The following TMEM273 variants were observed in gnomAD, a reference collection of about 807,000 sequenced individuals.
The protein encoded by TMEM273 is chromosome 10 open reading frame 128.
In TMEM273, 19 loss-of-function variants were observed where a neutral mutation model predicts 17.9. That is an observed-to-expected ratio of 1.06 (90% CI 0.74 to 1.55). TMEM273 has a LOEUF of 1.55. Ranked by LOEUF, TMEM273 falls within the 40% of genes most tolerant of loss-of-function variation. The pLI, the probability that TMEM273 is intolerant of heterozygous loss-of-function variation, is 0.00. For synonymous variants in TMEM273, 66 were observed against 62.0 expected (o/e 1.07, Z -0.31); for missense variants, 194 against 155.6 (o/e 1.25, Z -1.31).
intron 1 of TMEM273, among the ~76,000 whole-genome samples, chr10:49,174,401 C>T (rs563084718): frequency 6.6e-6 from 1 of 152,342 alleles, no homozygotes; most frequent in South Asian, 2.1e-4. Flanking sequence ...GGTCATGGGC[C>T]TTGGCTACAC....
At chr10:49,186,017 G>GGAA (rs775193196) in intron 1 of TMEM273, among the ~76,000 whole-genome samples, 2 of 78,692 alleles carry the variant, frequency 2.5e-5, no homozygotes, top group Non-Finnish European at 5.7e-5. Context: ...AGGAGGAGGA[G>GGAA]GAAGAAGAAG....
At chr10:49,165,426 T>TG in intron 4 of TMEM273, 143 bp from the exon 5 acceptor site, 1 of 1,502,260 alleles carries the variant, frequency 6.7e-7, no homozygotes, top group Non-Finnish European at 8.9e-7. Context: ...ACAAACCACG[T>TG]GTGACCTCCC....
At chr10:49,161,686 A>T in intron 5 of TMEM273, 64 bp from the exon 6 acceptor site, 4 of 1,604,992 alleles carry the variant, frequency 2.5e-6, no homozygotes, top group Middle Eastern at 1.7e-4. Context: ...ACAATGCAAA[A>T]CTTGCTGCAA....
At chr10:49,175,152 G>A (rs1339646652) in intron 1 of TMEM273, among the ~76,000 whole-genome samples, 2 of 152,102 alleles carry the variant, frequency 1.3e-5, no homozygotes, top group African/African-American at 2.4e-5. Flanking sequence ...GGCGATTCAA[G>A]GAGGTACAGA....
intron 1 of TMEM273, among the ~76,000 whole-genome samples, chr10:49,177,705 G>A (rs1279338720): frequency 6.6e-6 from 1 of 152,188 alleles, no homozygotes; most frequent in East Asian, 1.9e-4. Flanking sequence ...TCAACAATCA[G>A]GGCTCATCTG....
chr10:49,172,598 T>C (rs1427006793), intron 1 of TMEM273, among the ~76,000 whole-genome samples: 1 of 151,924 alleles, frequency 6.6e-6, no homozygotes, highest in Non-Finnish European at 1.5e-5. Context: ...TCATGATGGG[T>C]AGGAGGGAAG....
Position 49,172,367 on chromosome 10 carries a change from C to T in TMEM273, c.44-4405G>A, listed in dbSNP as rs760088591. On this transcript the variant is annotated intron_variant, in intron 1 of 6. Coordinates refer to ENST00000374153, the MANE Select transcript of TMEM273 (RefSeq NM_001288740.3). ...TCAGAGTGTCACAGGCAAAGCTCAG[C>T]GCCTTCCCCAAGCCTCAGTCTCACA... is the stretch of plus-strand genomic sequence containing the variant. 2.7e-4 allele frequency among the ~76,000 whole-genome samples: 41 copies of T among 152,262 alleles called. No homozygotes were observed. The Middle Eastern group carries it at 0.024, about 88-fold the overall frequency.
chr10:49,186,041 A>AGAAGAAGAG (rs1188426041), intron 1 of TMEM273, among the ~76,000 whole-genome samples: 3 of 142,898 alleles, frequency 2.1e-5, no homozygotes, highest in Non-Finnish European at 4.6e-5. Context: ...AAGAAAAAGA[A>AGAAGAAGAG]GAAGAAGAAG....
chr10:49,169,717 T>C (rs1032887227), intron 1 of TMEM273, among the ~76,000 whole-genome samples: 10 of 152,224 alleles, frequency 6.6e-5, no homozygotes, highest in African/African-American at 2.2e-4. Context: ...CTTATTGTTT[T>C]TTTTAAGTCA....
intron 1 of TMEM273, among the ~76,000 whole-genome samples, chr10:49,174,559 A>G (rs1349726274): frequency 1.4e-4 from 22 of 152,182 alleles, no homozygotes; most frequent in Admixed American, 1.4e-3. Flanking sequence ...TTATCAGAGC[A>G]TGACTCTAAA....
intron 6 of TMEM273, chr10:49,156,299 T>G: frequency 3.8e-6 from 5 of 1,307,008 alleles, no homozygotes; most frequent in Non-Finnish European, 5.0e-6. Context: ...AGAATAGAAC[T>G]GGAAAATAAT....
intron 5 of TMEM273, 86 bp downstream of exon 5, chr10:49,165,119 G>A (rs2132134903): frequency 6.9e-7 from 1 of 1,454,624 alleles, no homozygotes; most frequent in Middle Eastern, 1.8e-4. Context: ...ATATCGTATA[G>A]CATCAACTAG....
intron 6 of TMEM273, among the ~76,000 whole-genome samples, chr10:49,157,781 C>T (rs1016628975): frequency 6.6e-6 from 1 of 152,166 alleles, no homozygotes; most frequent in Admixed American, 6.5e-5. Flanking sequence ...CTGGCAGACG[C>T]ATGTTGTATG....
chr10:49,167,261 A>G (rs1409305788), intron 2 of TMEM273, among the ~76,000 whole-genome samples: 1 of 152,196 alleles, frequency 6.6e-6, no homozygotes, highest in Non-Finnish European at 1.5e-5. Flanking sequence ...CCCCTGCCCA[A>G]AAGGTGAGTG....
At chr10:49,172,375 C>G (rs920625253) in intron 1 of TMEM273, among the ~76,000 whole-genome samples, 2 of 152,142 alleles carry the variant, frequency 1.3e-5, no homozygotes, top group African/African-American at 4.8e-5. Context: ...AGCGCCTTCC[C>G]CAAGCCTCAG....
rs1845468587 is a variant in TMEM273 at position 49,155,718 on chromosome 10, C to T, written c.*174G>A. On this transcript the variant is annotated 3_prime_UTR_variant, in exon 7 of 7. Coordinates refer to ENST00000374153, the MANE Select transcript of TMEM273 (RefSeq NM_001288740.3). Reference sequence around the variant, plus strand: ...CCAGAAGAGGCATGATATTTTCCTTCAGGACAGAGGCACTGTATATTCTAT... The same window carrying T: ...CCAGAAGAGGCATGATATTTTCCTTTAGGACAGAGGCACTGTATATTCTAT... 2.3e-6 allele frequency: 2 copies of T among 855,670 alleles called. No individual in the cohort carries two copies. The highest frequency in any genetic ancestry group is 3.6e-6 in the Non-Finnish European group (2 of 552,520). 53.0% of individuals were successfully genotyped at this position (855,670 alleles called of 1,614,324 possible). A position where few individuals can be genotyped will look rare whatever the true frequency, so the allele number is the denominator to read the frequency against.
At chr10:49,162,404 C>A (rs1057267725) in intron 5 of TMEM273, among the ~76,000 whole-genome samples, 5 of 152,156 alleles carry the variant, frequency 3.3e-5, no homozygotes, top group Non-Finnish European at 5.9e-5. Flanking sequence ...AAGGATCGAG[C>A]TTTGTGAAAT....
At chr10:49,181,589 A>C (rs1847343139) in intron 1 of TMEM273, among the ~76,000 whole-genome samples, 1 of 152,232 alleles carries the variant, frequency 6.6e-6, no homozygotes, top group Non-Finnish European at 1.5e-5. Context: ...ACAAAGGGGC[A>C]AAATATATTC....
At chr10:49,172,493 C>T (rs1346326807) in intron 1 of TMEM273, among the ~76,000 whole-genome samples, 1 of 152,138 alleles carries the variant, frequency 6.6e-6, no homozygotes, top group Non-Finnish European at 1.5e-5. Context: ...AACAAGAGGC[C>T]CCACAGCCAG....
Sources: gnomAD v4.1 joint callset for allele counts (sites outside exome capture counted in the v4.1 genomes callset) on GRCh38, gnomAD v4.1.1 for gene constraint, MANE v1.5 for transcripts, NCBI Gene and HGNC (gene_info 2026-07-23, HGNC 2026-07-21) for gene names.